CTNNA2: variants seen among roughly 807,000 people sequenced by gnomAD.
CTNNA2 encodes catenin alpha-2.
In CTNNA2, 42 loss-of-function variants were observed where a neutral mutation model predicts 101.0. The ratio of observed to expected loss-of-function variants is 0.42; its 90% CI spans 0.32 to 0.54. CTNNA2 has a LOEUF of 0.54. CTNNA2 is among the 20% of genes least tolerant of loss of function. The pLI, the probability that CTNNA2 is intolerant of heterozygous loss-of-function variation, is 0.14. For missense variants in CTNNA2, 871 were observed against 1,223.1 expected (o/e 0.71, Z 4.29); for synonymous variants, 450 against 456.4 (o/e 0.99, Z 0.18).
intron 7 of CTNNA2, among the ~76,000 whole-genome samples, chr2:80,224,887 A>G (rs979161441): frequency 1.4e-4 from 21 of 151,826 alleles, no homozygotes; most frequent in African/African-American, 5.1e-4. Context: ...ATTAAATTTA[A>G]TTGTCCTTTT....
At chr2:79,886,045 A>G (rs1344978249) in intron 6 of CTNNA2, among the ~76,000 whole-genome samples, 1 of 152,194 alleles carries the variant, frequency 6.6e-6, no homozygotes, top group Non-Finnish European at 1.5e-5. Context: ...CATATGTAAA[A>G]GGAGAAAATA....
chr2:80,121,944 G>A (rs550600586), intron 7 of CTNNA2, among the ~76,000 whole-genome samples: 2 of 152,170 alleles, frequency 1.3e-5, no homozygotes, highest in Non-Finnish European at 2.9e-5. Context: ...AACCTCACAT[G>A]AAGTACTGTT....
intron 8 of CTNNA2, among the ~76,000 whole-genome samples, chr2:80,397,437 G>C (rs1016668732): frequency 1.3e-5 from 2 of 152,126 alleles, no homozygotes; most frequent in Non-Finnish European, 2.9e-5. Flanking sequence ...TTGAATTGTA[G>C]CTCCCATAAT....
At position 79,874,281 on chromosome 2, in the gene CTNNA2, C is replaced by T. The variant is rs758443369; in HGVS notation, c.791C>T (p.Thr264Ile). The T allele has an allele frequency of 1.2e-6, 2 of 1,614,096 alleles. No homozygotes were observed. The highest frequency in any genetic ancestry group is 2.2e-5 in the East Asian group (1 of 44,856). The part of the protein sequence containing the change: ...ISNAAQATSP[T>I]DEAKGHTGIG... The stretch of plus-strand genomic sequence containing the variant: ...AATGCTGCTCAAGCTACCTCGCCCA[C>T]TGACGAAGCCAAGGGCCACACGGGC... The change falls in exon 6 of 19, where the codon ACT (threonine) becomes ATT (isoleucine). Residue 264 changes from threonine to isoleucine, a missense_variant. This residue lies in a region of CTNNA2 where 647 missense variants were observed against 831.5 expected (regional missense o/e 0.78). Coordinates refer to ENST00000402739, the MANE Select transcript of CTNNA2 (RefSeq NM_001282597.3).
intron 4 of CTNNA2, among the ~76,000 whole-genome samples, chr2:79,480,915 T>C (rs1671103472): frequency 6.6e-6 from 1 of 152,124 alleles, no homozygotes; most frequent in Non-Finnish European, 1.5e-5. Context: ...TTCAGCTGAT[T>C]TTTTTCAAAA....
chr2:80,639,555 A>G (rs116654265), intron 18 of CTNNA2, among the ~76,000 whole-genome samples: 1,309 of 118,940 alleles, frequency 0.011, 16 homozygotes, highest in African/African-American at 0.033. Context: ...GTTTTTAACA[A>G]TAAATACAAC....
At chr2:80,336,223 C>A (rs1671752546) in intron 7 of CTNNA2, among the ~76,000 whole-genome samples, 2 of 152,110 alleles carry the variant, frequency 1.3e-5, no homozygotes, top group South Asian at 4.1e-4. Flanking sequence ...TAGATGTCAC[C>A]TTCTCACCAT....
chr2:80,147,688 C>A (rs750503078), intron 7 of CTNNA2, among the ~76,000 whole-genome samples: 5 of 152,156 alleles, frequency 3.3e-5, no homozygotes, highest in Non-Finnish European at 5.9e-5. Context: ...TTGTAGCAGG[C>A]TAATGCATTT....
intron 7 of CTNNA2, among the ~76,000 whole-genome samples, chr2:80,205,287 C>T (rs746800153): frequency 1.3e-5 from 2 of 151,964 alleles, no homozygotes; most frequent in Non-Finnish European, 2.9e-5. Flanking sequence ...AGAAAAAAAA[C>T]CATACACACA....
intron 3 of CTNNA2, among the ~76,000 whole-genome samples, chr2:79,792,486 T>C (rs1350574601): frequency 1.3e-5 from 2 of 152,182 alleles, no homozygotes; most frequent in Admixed American, 1.3e-4. Context: ...ATGTCTTAGA[T>C]CCTGTGACAT....
chr2:79,186,886 G>A (rs1572969204), intron 1 of CTNNA2, among the ~76,000 whole-genome samples: 1 of 152,138 alleles, frequency 6.6e-6, no homozygotes, highest in East Asian at 1.9e-4. Context: ...GGCTAGAAAA[G>A]GAAGCTACTT....
chr2:79,280,681 GAGAA>G (rs755041032), intron 2 of CTNNA2, among the ~76,000 whole-genome samples: 1,839 of 53,104 alleles, frequency 0.035, 76 homozygotes, highest in African/African-American at 0.14. Context: ...GAGAGAGAGA[GAGAA>G]AGAGAGAGAG....
chr2:80,135,005 T>C (rs1702616311), intron 7 of CTNNA2, among the ~76,000 whole-genome samples: 1 of 152,204 alleles, frequency 6.6e-6, no homozygotes, highest in Admixed American at 6.5e-5. Context: ...CCAGGTGCAG[T>C]ATTCCATATT....
chr2:80,333,782 C>T (rs1006571377), intron 7 of CTNNA2, among the ~76,000 whole-genome samples: 1 of 152,184 alleles, frequency 6.6e-6, no homozygotes, highest in Non-Finnish European at 1.5e-5. Context: ...CACCATCATG[C>T]CCAGCTAATT....
intron 1 of CTNNA2, among the ~76,000 whole-genome samples, chr2:79,545,918 C>T (rs1323977950): frequency 2.0e-5 from 3 of 152,124 alleles, no homozygotes; most frequent in Non-Finnish European, 4.4e-5. Context: ...TATATTTACT[C>T]ATTTAATACA....
chr2:79,919,775 C>T (rs923166745), intron 7 of CTNNA2, among the ~76,000 whole-genome samples: 1 of 152,162 alleles, frequency 6.6e-6, no homozygotes, highest in African/African-American at 2.4e-5. Context: ...AGATAAGCTC[C>T]CTTGCTGGGG....
chr2:80,511,979 G>A (rs573677534), intron 9 of CTNNA2, among the ~76,000 whole-genome samples: 78 of 151,692 alleles, frequency 5.1e-4, no homozygotes, highest in African/African-American at 1.6e-3. Context: ...GGTGAACCCC[G>A]TCTCTACTAA....
intron 7 of CTNNA2, among the ~76,000 whole-genome samples, chr2:80,111,154 C>T (rs569893214): frequency 2.6e-4 from 40 of 152,228 alleles, no homozygotes; most frequent in African/African-American, 8.7e-4. Flanking sequence ...TACCTCCCAC[C>T]GGTTCCCTCC....
At chr2:79,997,929 C>A (rs1421355801) in intron 7 of CTNNA2, among the ~76,000 whole-genome samples, 1 of 152,126 alleles carries the variant, frequency 6.6e-6, no homozygotes, top group Non-Finnish European at 1.5e-5. Flanking sequence ...ATAGTGCTTT[C>A]CTGCTTAGAA....
Sources: allele counts gnomAD v4.1 joint callset (sites outside exome capture counted in the v4.1 genomes callset), GRCh38; gene constraint gnomAD v4.1.1; regional missense constraint gnomAD v4.1.1; transcripts MANE v1.5; gene names NCBI Gene and HGNC (gene_info 2026-07-23, HGNC 2026-07-21).